The following TEX14 variants were observed in gnomAD, a reference collection of about 807,000 sequenced individuals.
TEX14 encodes inactive serine/threonine-protein kinase TEX14.
A neutral mutation model predicts 178.6 loss-of-function variants in TEX14; 168 were observed. The observed-to-expected ratio is 0.94, with a 90% CI of 0.83 to 1.07. The LOEUF (loss-of-function observed/expected upper bound fraction) is 1.07. Among genes scored for constraint, TEX14 ranks in the 50% least tolerant of loss-of-function variants. The pLI is 0.00. For missense variants in TEX14, 1,730 were observed against 1,753.6 expected, an observed-to-expected ratio of 0.99 and a Z score of 0.24; for synonymous variants, 626 against 634.1, an observed-to-expected ratio of 0.99 and a Z score of 0.19.
chr17:58,581,702 G>C lies in TEX14; in HGVS notation c.3172-1971C>G, dbSNP rs374881815. The C allele has an allele frequency of 3.7e-6, 6 of 1,613,008 alleles. No homozygotes were observed. The African/African-American group carries it at 8.0e-5, about 22-fold the overall frequency. On this transcript the variant is annotated intron_variant, in intron 19 of 31. Transcript: ENST00000349033. Reference sequence around the variant, plus strand: ...ATCTGTTATATCCTCAGAAGACTCTGGTGAACAAGTTGATTGCATGGACTG... The same window carrying C: ...ATCTGTTATATCCTCAGAAGACTCTCGTGAACAAGTTGATTGCATGGACTG...
At chr17:58,689,213 C>T (rs2143616499) in intron 1 of TEX14, among the ~76,000 whole-genome samples, 1 of 151,784 alleles carries the variant, frequency 6.6e-6, no homozygotes, top group Non-Finnish European at 1.5e-5. Context: ...AGGCGTGAGA[C>T]ATCACGCTCA....
At chr17:58,567,486 C>T (rs1038935752) in intron 26 of TEX14, among the ~76,000 whole-genome samples, 2 of 152,146 alleles carry the variant, frequency 1.3e-5, no homozygotes, top group South Asian at 2.1e-4. Flanking sequence ...AGTAGTCCTG[C>T]GCAGATCTTA....
At chr17:58,567,737 T>TC (rs1368456626) in intron 26 of TEX14, 1 of 152,218 alleles carries the variant, frequency 6.6e-6, no homozygotes, top group Non-Finnish European at 1.5e-5. Context: ...CTGACCCATC[T>TC]CAAAGTGCAG....
chr17:58,624,207 G>A (rs904959601), intron 3 of TEX14, among the ~76,000 whole-genome samples: 5 of 151,932 alleles, frequency 3.3e-5, no homozygotes, highest in African/African-American at 4.8e-5. Context: ...TGGCGTAATG[G>A]CATAAAACCC....
chr17:58,682,777 T>A (rs1469917322), intron 1 of TEX14, among the ~76,000 whole-genome samples: 3 of 152,100 alleles, frequency 2.0e-5, no homozygotes, highest in Admixed American at 1.3e-4. Context: ...AAAATATCTG[T>A]TCAAGGGAGT....
intron 15 of TEX14, among the ~76,000 whole-genome samples, chr17:58,588,245 C>T (rs1014089482): frequency 6.6e-6 from 1 of 152,114 alleles, no homozygotes; most frequent in South Asian, 2.1e-4. Context: ...TGCTCCTGCC[C>T]GTCCATCAGA....
intron 24 of TEX14, among the ~76,000 whole-genome samples, chr17:58,571,225 C>T (rs891507685): frequency 5.5e-5 from 6 of 108,630 alleles, no homozygotes; most frequent in Admixed American, 1.1e-4. Context: ...GGAACTTGTA[C>T]TTTTCTTTTC....
rs992033383 is a variant in TEX14, at chr17:58,568,154, A to C, written c.3886+1038T>G. Among the ~76,000 whole-genome samples the C allele has an allele frequency of 1.5e-4, 23 of 152,276 alleles. No individual in the cohort carries two copies. The South Asian group carries it at 3.9e-3, about 26-fold the overall frequency. ...CCCAGATATGGAAAGCAGGGGTGGG[A>C]GTGTGGGCTCTAAGAGCCTGACCCA... On this transcript the variant is annotated intron_variant, in intron 26 of 31. Transcript: ENST00000349033.
intron 20 of TEX14, among the ~76,000 whole-genome samples, chr17:58,579,092 C>T (rs2144389099): frequency 6.6e-6 from 1 of 152,326 alleles, no homozygotes; most frequent in Non-Finnish European, 1.5e-5. Context: ...TCCAAGGCTA[C>T]CTTCTCATCT....
At chr17:58,588,801 A>G (rs1267340873) in intron 15 of TEX14, among the ~76,000 whole-genome samples, 1 of 152,042 alleles carries the variant, frequency 6.6e-6, no homozygotes, top group Non-Finnish European at 1.5e-5. Flanking sequence ...ATGGTGGCTC[A>G]GGTCTGTAGT....
In TEX14 at chr17:58,611,178, C is replaced by A; in HGVS notation, c.1167G>T (p.Leu389=). The A allele has an allele frequency of 6.2e-7, 1 of 1,613,756 alleles. No individual in the cohort carries two copies. Among genetic ancestry groups the A allele is most frequent in the Non-Finnish European group, 8.5e-7 (1 of 1,179,786 alleles). ...ATGCCCACCTTTCCAACATGTACTC[C>A]AGGTTGGTCAGCCTCGCTTCACCTG... ...ISPGEARLTN[L]EYMLESEDRG... The change falls in exon 10 of 32, where the codon CTG becomes CTT. Residue 389 remains leucine, a synonymous_variant. Transcript: ENST00000349033.
chr17:58,669,670 G>A (rs1246701541), intron 1 of TEX14, among the ~76,000 whole-genome samples: 1 of 148,498 alleles, frequency 6.7e-6, no homozygotes, highest in Non-Finnish European at 1.5e-5. Context: ...GGAGGCAGAG[G>A]TTGCAGGGAG....
At chr17:58,665,862 G>A (rs903866430) in intron 1 of TEX14, among the ~76,000 whole-genome samples, 26 of 151,878 alleles carry the variant, frequency 1.7e-4, no homozygotes, top group African/African-American at 5.8e-4. Context: ...CCTGACCAAC[G>A]TAGTGAAAAC....
intron 1 of TEX14, among the ~76,000 whole-genome samples, chr17:58,682,419 G>A (rs1194853178): frequency 1.3e-5 from 2 of 151,940 alleles, no homozygotes; most frequent in Admixed American, 6.6e-5. Flanking sequence ...CACCATGCCC[G>A]GCTAGTTTTT....
At chr17:58,581,035 A>T (rs2044799530) in intron 19 of TEX14, among the ~76,000 whole-genome samples, 1 of 152,180 alleles carries the variant, frequency 6.6e-6, no homozygotes, top group Non-Finnish European at 1.5e-5. Context: ...ATTTTGAGCC[A>T]GGCATGGTGG....
At chr17:58,673,945 C>G (rs2047345948) in intron 1 of TEX14, among the ~76,000 whole-genome samples, 2 of 152,112 alleles carry the variant, frequency 1.3e-5, no homozygotes, top group Non-Finnish European at 2.9e-5. Flanking sequence ...CAAACATCTT[C>G]AAGGTAGTAA....
chr17:58,591,639 C>T (rs2045143820), intron 15 of TEX14, among the ~76,000 whole-genome samples: 1 of 150,098 alleles, frequency 6.7e-6, no homozygotes, highest in South Asian at 2.1e-4. Context: ...ACCACTAGGG[C>T]GAGGAATAAA....
At chr17:58,584,644 T>C (rs1183700937) in intron 18 of TEX14, 44 bp from the exon 19 acceptor site, 1 of 1,436,976 alleles carries the variant, frequency 7.0e-7, no homozygotes, top group South Asian at 1.1e-5. Context: ...TTCAGTGATA[T>C]TCAGACAACA....
At chr17:58,667,591 A>C (rs563538760) in intron 1 of TEX14, among the ~76,000 whole-genome samples, 1 of 152,294 alleles carries the variant, frequency 6.6e-6, no homozygotes, top group African/African-American at 2.4e-5. Flanking sequence ...GGCATGACAA[A>C]GATTCTTTGC....
Sources: gnomAD v4.1 joint callset for allele counts (sites outside exome capture counted in the v4.1 genomes callset) on GRCh38, gnomAD v4.1.1 for gene constraint, MANE v1.5 for transcripts, NCBI Gene and HGNC (gene_info 2026-07-23, HGNC 2026-07-21) for gene names.